The following ACMSD variants were observed in gnomAD, a reference collection of about 807,000 sequenced individuals.
ACMSD encodes aminocarboxymuconate semialdehyde decarboxylase.
In ACMSD, 37 loss-of-function variants were observed where a neutral mutation model predicts 45.9. That is an observed-to-expected ratio of 0.81 (90% CI 0.62 to 1.06). The LOEUF (loss-of-function observed/expected upper bound fraction) is 1.06. Among genes scored for constraint, ACMSD ranks in the 50% least tolerant of loss-of-function variants. The probability of loss-of-function intolerance (pLI) is 0.00; values close to 1 mark genes in which losing one functional copy is unlikely to be tolerated. For missense variants in ACMSD, 434 were observed against 420.9 expected, an observed-to-expected ratio of 1.03 and a Z score of -0.27; for synonymous variants, 138 against 148.8, an observed-to-expected ratio of 0.93 and a Z score of 0.53.
chr2:134,872,399 A>G (rs1688501552), intron 7 of ACMSD, 70 bp from the exon 8 acceptor site: 4 of 1,569,662 alleles, frequency 2.5e-6, no homozygotes, highest in Admixed American at 3.4e-5. Context: ...AACTTCTTGC[A>G]TATAACATCA....
intron 8 of ACMSD, among the ~76,000 whole-genome samples, chr2:134,882,973 C>A (rs978270564): frequency 2.6e-5 from 4 of 152,180 alleles, no homozygotes; most frequent in African/African-American, 9.7e-5. Flanking sequence ...TGTGCAGCTG[C>A]TGGCTTTGGA....
intron 5 of ACMSD, among the ~76,000 whole-genome samples, chr2:134,866,663 T>G (rs1313014816): frequency 1.3e-5 from 2 of 152,192 alleles, no homozygotes; most frequent in East Asian, 3.8e-4. Flanking sequence ...TGTATGAGGG[T>G]AGGATGAATC....
In ACMSD at chr2:134,901,969, T is replaced by A; in HGVS notation, c.*109T>A. The A allele has an allele frequency of 1.6e-6, 1 of 643,860 alleles. No individual in the cohort carries two copies. The highest frequency in any genetic ancestry group is 2.5e-6 in the Non-Finnish European group (1 of 395,250). The allele number at this position is 643,860 out of a possible 1,614,324, so 39.9% of individuals were successfully genotyped here. A position where few individuals can be genotyped will look rare whatever the true frequency, so the allele number is the denominator to read the frequency against. ...TATTTTGAACTATTTTACTCAGAAA[T>A]GAATGTCCCAAATATCCTAAATTAT... On this transcript the variant is annotated 3_prime_UTR_variant, in exon 10 of 10. Coordinates refer to ENST00000356140, the MANE Select transcript of ACMSD (RefSeq NM_138326.3).
chr2:134,894,670 A>T (rs958817184), intron 8 of ACMSD, among the ~76,000 whole-genome samples: 2 of 152,204 alleles, frequency 1.3e-5, no homozygotes, highest in Admixed American at 1.3e-4. Context: ...ATCACACTTA[A>T]TAGTGAAAGA....
chr2:134,893,445 C>G (rs1221970383), intron 8 of ACMSD, among the ~76,000 whole-genome samples: 1 of 152,100 alleles, frequency 6.6e-6, no homozygotes, highest in Non-Finnish European at 1.5e-5. Context: ...GCCTCGCCCT[C>G]CTAAAGTGCT....
rs982563827 is a variant in ACMSD, at chr2:134,901,962, T to C, written c.*102T>C. On this transcript the variant is annotated 3_prime_UTR_variant, in exon 10 of 10. Transcript: ENST00000356140. ...AAAATCCTATTTTGAACTATTTTAC[T>C]CAGAAATGAATGTCCCAAATATCCT... 11 of 740,586 alleles carry C rather than the reference T, an allele frequency of 1.5e-5. No homozygotes were observed. Among genetic ancestry groups the C allele is most frequent in the Non-Finnish European group, 2.1e-5 (10 of 472,746 alleles). 45.9% of individuals were successfully genotyped at this position (740,586 alleles called of 1,614,324 possible).
chr2:134,892,057 A>G (rs1689816797), intron 8 of ACMSD, among the ~76,000 whole-genome samples: 1 of 152,152 alleles, frequency 6.6e-6, no homozygotes. Flanking sequence ...GTATGGAAAA[A>G]TAGATACTGG....
chr2:134,863,926 T>C (rs768646145), intron 5 of ACMSD, among the ~76,000 whole-genome samples: 9 of 152,010 alleles, frequency 5.9e-5, no homozygotes, highest in Non-Finnish European at 1.0e-4. Context: ...CAAAATACCC[T>C]CTTTACAGCC....
At chr2:134,885,292 TATATATATATTTAA>T (rs1454790311) in intron 8 of ACMSD, among the ~76,000 whole-genome samples, 3 of 99,632 alleles carry the variant, frequency 3.0e-5, no homozygotes, top group Non-Finnish European at 5.4e-5. Flanking sequence ...ATATTATATT[TATATATATATTTAA>T]ATATATATAT....
intron 3 of ACMSD, 140 bp downstream of exon 3, chr2:134,859,497 G>A: frequency 1.4e-6 from 1 of 711,872 alleles, no homozygotes; most frequent in Non-Finnish European, 2.4e-6. Context: ...TTCACTGTGG[G>A]AGGGACAGGG....
At chr2:134,888,389 TA>T (rs1689579660) in intron 8 of ACMSD, among the ~76,000 whole-genome samples, 1 of 152,166 alleles carries the variant, frequency 6.6e-6, no homozygotes, top group African/African-American at 2.4e-5. Context: ...AGCAAGGATG[TA>T]AAACAACCAG....
At chr2:134,838,836 CT>C in intron 1 of ACMSD, 97 bp downstream of exon 1, 1 of 935,384 alleles carries the variant, frequency 1.1e-6, no homozygotes, top group Middle Eastern at 2.8e-4. Flanking sequence ...AGTTTATCTG[CT>C]TTGGTGGGGG....
At chr2:134,860,774 T>C (rs1370865806) in intron 3 of ACMSD, among the ~76,000 whole-genome samples, 1 of 146,490 alleles carries the variant, frequency 6.8e-6, no homozygotes, top group African/African-American at 2.5e-5. Flanking sequence ...AATCCCAGCA[T>C]GTTAGGAGGC....
chr2:134,867,739 C>A, intron 6 of ACMSD, 67 bp downstream of exon 6: 1 of 1,287,358 alleles, frequency 7.8e-7, no homozygotes, highest in Non-Finnish European at 1.1e-6. Context: ...TCTATGGAAA[C>A]CTATTATGTC....
At chr2:134,870,818 G>T in intron 6 of ACMSD, 147 bp from the exon 7 acceptor site, 1 of 563,906 alleles carries the variant, frequency 1.8e-6, no homozygotes, top group Non-Finnish European at 3.1e-6. Flanking sequence ...CCTTGCCAAA[G>T]TAATGTCCTA....
chr2:134,867,700 G>A (rs1688172453), intron 6 of ACMSD, 28 bp downstream of exon 6: 1 of 1,588,742 alleles, frequency 6.3e-7, no homozygotes. Flanking sequence ...GTCTGGAACA[G>A]AGGACCAACT....
At chr2:134,862,442 T>C (rs1687889372) in intron 4 of ACMSD, among the ~76,000 whole-genome samples, 1 of 152,248 alleles carries the variant, frequency 6.6e-6, no homozygotes, top group South Asian at 2.1e-4. Flanking sequence ...AGAAGGGTAA[T>C]CCTGAAGTGG....
chr2:134,898,461 G>C, intron 9 of ACMSD, 22 bp downstream of exon 9: 1 of 1,520,256 alleles, frequency 6.6e-7, no homozygotes, highest in South Asian at 1.3e-5. Context: ...TTTACTTCAC[G>C]GCTTTCTTAC....
intron 2 of ACMSD, among the ~76,000 whole-genome samples, chr2:134,845,484 T>C (rs1347431981): frequency 6.8e-6 from 1 of 146,024 alleles, no homozygotes; most frequent in Non-Finnish European, 1.5e-5. Context: ...GAAGATAAAA[T>C]TGGAATTTGA....
Sources: gnomAD v4.1 joint callset for allele counts (sites outside exome capture counted in the v4.1 genomes callset) on GRCh38, gnomAD v4.1.1 for gene constraint, MANE v1.5 for transcripts, NCBI Gene and HGNC (gene_info 2026-07-23, HGNC 2026-07-21) for gene names.